Variants in GINS2 observed in about 807,000 individuals in gnomAD.
GINS2 encodes GINS complex subunit 2.
Under a neutral mutation model 21.2 loss-of-function variants are expected in GINS2, and 23 were observed. The ratio of observed to expected loss-of-function variants is 1.08; its 90% CI spans 0.78 to 1.53. The LOEUF (loss-of-function observed/expected upper bound fraction) is 1.53, where lower values mean the gene tolerates loss of function less well. Among genes scored for constraint, GINS2 ranks in the 40% most tolerant of loss-of-function variants. The pLI is 0.00. For synonymous variants in GINS2, 118 were observed against 85.6 expected (o/e 1.38, Z -2.09); for missense variants, 323 against 233.9 (o/e 1.38, Z -2.49).
At chr16:85,683,745 C>T (rs2053752912) in intron 2 of GINS2, among the ~76,000 whole-genome samples, 2 of 152,176 alleles carry the variant, frequency 1.3e-5, no homozygotes, top group Admixed American at 6.5e-5. Context: ...TTGCACCAAC[C>T]TTCTCTACAC....
rs146904659 is a variant in GINS2 at position 85,679,453 on chromosome 16, G to C, written c.306-787C>G. Among the ~76,000 whole-genome samples the C allele has an allele frequency of 4.2e-3, 642 of 152,342 alleles. 6 individuals carry two copies. Among genetic ancestry groups the C allele is most frequent in the African/African-American group, 0.015 (614 of 41,564 alleles). ...TCACTAGGCATTACAGGTTACGCTAGACATTCTCTCCATATGCTACAATTA... is the reference window on the plus strand; with the variant it reads ...TCACTAGGCATTACAGGTTACGCTACACATTCTCTCCATATGCTACAATTA... On this transcript the variant is annotated intron_variant, in intron 3 of 4. Coordinates refer to ENST00000253462, the MANE Select transcript of GINS2 (RefSeq NM_016095.3).
At chr16:85,687,726 AAG>A in intron 1 of GINS2, 152 bp from the exon 2 acceptor site, 2 of 519,410 alleles carry the variant, frequency 3.9e-6, no homozygotes. Flanking sequence ...ACTCAGAACA[AAG>A]CGCCTCCTGA....
At chr16:85,683,892 T>G (rs2053754062) in intron 2 of GINS2, among the ~76,000 whole-genome samples, 1 of 152,172 alleles carries the variant, frequency 6.6e-6, no homozygotes, top group Admixed American at 6.5e-5. Context: ...TCTTGTAGGA[T>G]AAAGGCTCAG....
At chr16:85,683,885 T>C (rs770483013) in intron 2 of GINS2, among the ~76,000 whole-genome samples, 6 of 152,242 alleles carry the variant, frequency 3.9e-5, no homozygotes, top group Non-Finnish European at 4.4e-5. Flanking sequence ...TCATATTTCT[T>C]GTAGGATAAA....
rs1217662527 is a variant in GINS2 at position 85,677,956 on chromosome 16, CTTT to C, written c.*253_*255del. On this transcript the variant is annotated 3_prime_UTR_variant, in exon 5 of 5. Coordinates refer to ENST00000253462, the MANE Select transcript of GINS2 (RefSeq NM_016095.3). Reference sequence around the variant, plus strand: ...GGGAGAATGACTTATTTACCTAAGGCTTTTTTATTTCTCAAAAGTGGGGGGAAA... The same window carrying C: ...GGGAGAATGACTTATTTACCTAAGGCTTTATTTCTCAAAAGTGGGGGGAAA... 2.9e-5 allele frequency: 12 copies of C among 413,176 alleles called. No homozygotes were observed. Among genetic ancestry groups the C allele is most frequent in the Non-Finnish European group, 5.2e-5 (12 of 229,010 alleles). The allele number at this position is 413,176 out of a possible 1,614,324, so 25.6% of individuals were successfully genotyped here. A position where few individuals can be genotyped will look rare whatever the true frequency, so the allele number is the denominator to read the frequency against.
At chr16:85,681,516 G>C (rs1482564306) in intron 3 of GINS2, 66 bp downstream of exon 3, 1 of 926,114 alleles carries the variant, frequency 1.1e-6, no homozygotes, top group East Asian at 2.4e-5. Context: ...GGAAGGACGA[G>C]GGTTAGGGGA....
At chr16:85,685,364 T>A (rs897783000) in intron 2 of GINS2, among the ~76,000 whole-genome samples, 11 of 152,204 alleles carry the variant, frequency 7.2e-5, no homozygotes, top group Admixed American at 7.2e-4. Flanking sequence ...GAGCCAGGCC[T>A]GGTGAGCCTC....
In GINS2 at chr16:85,678,251, G is replaced by A. The variant is rs17855133; in HGVS notation, c.519C>T (p.Asn173=). The change falls in exon 5 of 5, where the codon AAC becomes AAT. Residue 173 remains asparagine (N), a synonymous_variant. Coordinates refer to ENST00000253462, the MANE Select transcript of GINS2 (RefSeq NM_016095.3). ...ALNHMYKLRT[N]LQPLESTQSQ... ...ACTGAGTACTCTCCAGAGGCTGGAG[G>A]TTCGTGCGGAGTTTGTACATGTGGT... 9 of 1,613,328 alleles carry A rather than the reference G, an allele frequency of 5.6e-6. No homozygotes were observed. Among genetic ancestry groups the A allele is most frequent in the South Asian group, 4.4e-5 (4 of 91,056 alleles).
At chr16:85,681,541 C>G in intron 3 of GINS2, 41 bp downstream of exon 3, 2 of 1,156,776 alleles carry the variant, frequency 1.7e-6, no homozygotes, top group Non-Finnish European at 2.6e-6. Context: ...CATGGCGAGT[C>G]CAGTCTTGGG....
chr16:85,677,667 T>C lies in GINS2; in HGVS notation c.*545A>G, dbSNP rs1415498860. 2 of 152,232 alleles carry C rather than the reference T, an allele frequency of 1.3e-5. No individual in the cohort carries two copies. Among genetic ancestry groups the C allele is most frequent in the Non-Finnish European group, 2.9e-5 (2 of 68,206 alleles). The allele number at this position is 152,232 out of a possible 1,614,324, so 9.4% of individuals were successfully genotyped here. A position where few individuals can be genotyped will look rare whatever the true frequency, so the allele number is the denominator to read the frequency against. On this transcript the variant is annotated 3_prime_UTR_variant, in exon 5 of 5. Transcript: ENST00000253462. ...TTACGCAGCACAAAAACCTAGAGAG[T>C]CAGAGCTGAGTTGGGTCCATTTTTA...
intron 2 of GINS2, among the ~76,000 whole-genome samples, chr16:85,683,962 G>C (rs966241861): frequency 1.1e-4 from 17 of 152,216 alleles, no homozygotes; most frequent in Admixed American, 1.1e-3. Flanking sequence ...CTGAGATCCA[G>C]CAAGTCCATC....
rs902257725 is a variant in GINS2 at position 85,687,562 on chromosome 16, G to A, written c.103C>T (p.Pro35Ser). 3 of 1,558,606 alleles carry A rather than the reference G, an allele frequency of 1.9e-6. No homozygotes were observed. The highest frequency in any genetic ancestry group is 2.6e-6 in the Non-Finnish European group (3 of 1,158,170). The change falls in exon 2 of 5, where the codon CCT becomes TCT. Residue 35 changes from proline (P) to serine (S), a missense_variant. Transcript: ENST00000253462. ...KIYLIGGDLG[P>S]FNPGLPVEVP... is the part of the protein sequence containing the mutation. ...TCCACGGGTAAACCAGGGTTAAAAG[G>A]CCCCAGGTCCCCCTGCCAAAAGTAA...
At chr16:85,679,994 CT>C (rs1315955136) in intron 3 of GINS2, among the ~76,000 whole-genome samples, 5 of 152,210 alleles carry the variant, frequency 3.3e-5, no homozygotes, top group Non-Finnish European at 7.4e-5. Flanking sequence ...TCACTGCCCT[CT>C]CCCCTACCGT....
chr16:85,688,561 A>G (rs2152053568), intron 1 of GINS2, among the ~76,000 whole-genome samples: 1 of 152,280 alleles, frequency 6.6e-6, no homozygotes, highest in South Asian at 2.1e-4. Flanking sequence ...CCAAAAAACA[A>G]ACCAAAAAAG....
rs368471291 is a variant in GINS2 at position 85,681,702 on chromosome 16, C to T, written c.206-21G>A. ...CTTTTCTGAAATTTAGAAGTTAATA[C>T]ATTTTACCATCATTATAACCAAGAT... is the stretch of plus-strand genomic sequence containing the variant. On this transcript the variant is annotated intron_variant, in intron 2 of 4. Transcript: ENST00000253462. 4.2e-5 allele frequency: 58 copies of T among 1,390,774 alleles called. 1 individual carries two copies. In the South Asian group the frequency reaches 4.6e-4, roughly 11 times the overall value. The allele number at this position is 1,390,774 out of a possible 1,614,324, so 86.2% of individuals were successfully genotyped here. A position where few individuals can be genotyped will look rare whatever the true frequency, so the allele number is the denominator to read the frequency against.
At position 85,685,685 on chromosome 16, in the gene GINS2, A is replaced by AAAAAAAAAAAAAAAAAAAAAC. The variant is rs56405044; in HGVS notation, c.205+1774_205+1775insGTTTTTTTTTTTTTTTTTTTT. On this transcript the variant is annotated intron_variant, in intron 2 of 4. Coordinates refer to ENST00000253462, the MANE Select transcript of GINS2 (RefSeq NM_016095.3). The stretch of plus-strand genomic sequence containing the variant: ...GACCCTTTCTCAAAAAAAAAAAAAA[A>AAAAAAAAAAAAAAAAAAAAAC]AAAAAACCGTCTCAAAGCAGAGGAA... Among the ~76,000 whole-genome samples, 38 of 120,984 alleles carry AAAAAAAAAAAAAAAAAAAAAC rather than the reference A, an allele frequency of 3.1e-4. 2 individuals carry two copies. The highest frequency in any genetic ancestry group is 4.6e-4 in the East Asian group (2 of 4,312). The allele number at this position is 120,984 out of a possible 152,430, so 79.4% of individuals were successfully genotyped here. A position where few individuals can be genotyped will look rare whatever the true frequency, so the allele number is the denominator to read the frequency against.
At chr16:85,683,942 A>G (rs2053754498) in intron 2 of GINS2, among the ~76,000 whole-genome samples, 2 of 152,252 alleles carry the variant, frequency 1.3e-5, no homozygotes, top group Non-Finnish European at 1.5e-5. Context: ...TACAAAGTTA[A>G]GCATTATCCC....
In GINS2 at chr16:85,678,306, G is replaced by A. The variant is rs1472918023; in HGVS notation, c.464C>T (p.Thr155Ile). The A allele has an allele frequency of 1.2e-6, 2 of 1,613,364 alleles. No individual in the cohort carries two copies. The highest frequency in any genetic ancestry group is 1.7e-5 in the Admixed American group (1 of 60,028). Residue 155 changes from threonine to isoleucine, a missense_variant, in exon 5 of 5, where the codon ACC becomes ATC. Transcript: ENST00000253462. ...CGCTTGTGTGAGGAAAGTCCCGCTG[G>A]TGTTGATCTCCATCAAGGTCAAGTT... Reference protein sequence around the residue: ...LDNLTLMEINTSGTFLTQALN... With the variant: ...LDNLTLMEINISGTFLTQALN...
intron 2 of GINS2, among the ~76,000 whole-genome samples, chr16:85,685,307 AG>A: frequency 6.6e-6 from 1 of 152,292 alleles, no homozygotes; most frequent in Middle Eastern, 3.4e-3. Context: ...CAAAAGTGCC[AG>A]ACACTGATTT....
Sources: allele counts gnomAD v4.1 joint callset (sites outside exome capture counted in the v4.1 genomes callset), GRCh38; gene constraint gnomAD v4.1.1; transcripts MANE v1.5; gene names NCBI Gene and HGNC (gene_info 2026-07-23, HGNC 2026-07-21).